The following ARHGAP6 variants were observed in gnomAD, a reference collection of about 807,000 sequenced individuals.
ARHGAP6 encodes Rho GTPase activating protein 6, also known as rho GTPase-activating protein 6.
Under a neutral mutation model 55.7 loss-of-function variants are expected in ARHGAP6, and 16 were observed. The ratio of observed to expected loss-of-function variants is 0.29; its 90% confidence interval spans 0.19 to 0.44. ARHGAP6 has a LOEUF of 0.44. ARHGAP6 is among the 20% of genes least tolerant of loss of function. ARHGAP6 has a pLI of 1.00. For missense variants in ARHGAP6, 698 were observed against 808.9 expected, an observed-to-expected ratio of 0.86 and a Z score of 1.66; for synonymous variants, 382 against 360.9, an observed-to-expected ratio of 1.06 and a Z score of -0.66.
At chrX:11,352,671 T>A (rs2048877929) in intron 1 of ARHGAP6, among the ~76,000 whole-genome samples, 1 of 111,640 alleles carries the variant, frequency 9.0e-6, no homozygotes, top group African/African-American at 3.3e-5. Flanking sequence ...CAGTACTGAG[T>A]CACTAATGAT....
intron 1 of ARHGAP6, among the ~76,000 whole-genome samples, chrX:11,497,559 TTCTC>T (rs34138329): frequency 4.6e-4 from 19 of 41,124 alleles, no homozygotes; most frequent in East Asian, 1.0e-3. Context: ...CCCTCCCTCC[TTCTC>T]TCTCTCTCTC....
intron 1 of ARHGAP6, among the ~76,000 whole-genome samples, chrX:11,482,168 T>C (rs182926367): frequency 4.7e-4 from 53 of 112,193 alleles, no homozygotes; most frequent in African/African-American, 1.7e-3. Context: ...GAGATGCTAC[T>C]AAATATTCTA....
intron 10 of ARHGAP6, among the ~76,000 whole-genome samples, chrX:11,154,787 G>A (rs764033168): frequency 2.0e-4 from 22 of 112,537 alleles, no homozygotes; most frequent in African/African-American, 7.1e-4. Flanking sequence ...CTTATACCTT[G>A]ATGAGGGTTA....
chrX:11,525,239 T>C (rs760885641), intron 1 of ARHGAP6, among the ~76,000 whole-genome samples: 5 of 111,895 alleles, frequency 4.5e-5, no homozygotes, highest in South Asian at 3.8e-4. Flanking sequence ...CAACCAAAAA[T>C]GTCTCCAGAC....
intron 1 of ARHGAP6, among the ~76,000 whole-genome samples, chrX:11,428,906 T>C (rs2049916539): frequency 8.9e-6 from 1 of 111,961 alleles, no homozygotes; most frequent in Non-Finnish European, 1.9e-5. Context: ...TTTATCCACC[T>C]GGAAAACTGG....
At chrX:11,265,953 G>A in intron 1 of ARHGAP6, 1 of 949,357 alleles carries the variant, frequency 1.1e-6, no homozygotes, top group Non-Finnish European at 1.3e-6. Flanking sequence ...AGAAGTTCCT[G>A]TCCTTTCAGA....
intron 10 of ARHGAP6, among the ~76,000 whole-genome samples, chrX:11,151,259 T>G (rs886804968): frequency 1.9e-5 from 2 of 106,600 alleles, no homozygotes; most frequent in African/African-American, 7.4e-5. Flanking sequence ...AGTCTTGCTT[T>G]CTTTTTTTTT....
rs1337209097 is a variant in ARHGAP6 at position 11,273,001 on chromosome X, G to C, written c.589-18294C>G. On this transcript the variant is annotated intron_variant, in intron 1 of 12. Transcript: ENST00000337414. ...TCAATTACCTGCTCTGTAAAGTGGA[G>C]ATAAAATAGTCCTGTAGGGAGGAGA... is the stretch of plus-strand genomic sequence containing the variant. Among the ~76,000 whole-genome samples, 3 of 111,712 alleles carry C rather than the reference G, an allele frequency of 2.7e-5. No homozygotes were observed. In the East Asian group the frequency reaches 8.5e-4, roughly 32 times the overall value.
chrX:11,640,600 T>C (rs17281101), intron 1 of ARHGAP6, among the ~76,000 whole-genome samples: 10,416 of 111,351 alleles, frequency 0.094, 490 homozygotes, highest in East Asian at 0.21. Context: ...CTTTATCCTA[T>C]AACTGGGACT....
rs955457835 is a variant in ARHGAP6, at chrX:11,153,473, C to T, written c.1907+3056G>A. ...CCGGGAGGTGGGGATTGCAGTGAGC[C>T]GAGATTGTGCCACTGTACTCCAGCC... On this transcript the variant is annotated intron_variant, in intron 10 of 12. Coordinates refer to ENST00000337414, the MANE Select transcript of ARHGAP6 (RefSeq NM_013427.3). Among the ~76,000 whole-genome samples, 6 of 92,625 alleles carry T rather than the reference C, an allele frequency of 6.5e-5. 1 individual carries two copies. Among genetic ancestry groups the T allele is most frequent in the Admixed American group, 4.1e-4 (3 of 7,371 alleles). 80.4% of individuals were successfully genotyped at this position (92,625 alleles called of 115,157 possible).
chrX:11,588,995 T>C (rs1319370616), intron 1 of ARHGAP6, among the ~76,000 whole-genome samples: 1 of 111,187 alleles, frequency 9.0e-6, no homozygotes, highest in Non-Finnish European at 1.9e-5. Context: ...AATTCTATTG[T>C]CAGTATCTGT....
At chrX:11,270,436 CAG>C (rs1304418549) in intron 1 of ARHGAP6, among the ~76,000 whole-genome samples, 5 of 111,177 alleles carry the variant, frequency 4.5e-5, no homozygotes, top group African/African-American at 1.6e-4. Flanking sequence ...CAGGATGAAA[CAG>C]AGAAAAGAAA....
At chrX:11,570,724 T>C (rs1239972113) in intron 1 of ARHGAP6, among the ~76,000 whole-genome samples, 1 of 111,811 alleles carries the variant, frequency 8.9e-6, no homozygotes, top group African/African-American at 3.3e-5. Flanking sequence ...CAGTATTACT[T>C]TGGTGCATAA....
chrX:11,493,124 C>T (rs1010178916), intron 1 of ARHGAP6, among the ~76,000 whole-genome samples: 5 of 111,932 alleles, frequency 4.5e-5, no homozygotes, highest in South Asian at 3.7e-4. Context: ...CACTGAATCA[C>T]GGAGGCCTTT....
chrX:11,287,325 T>C (rs897340824), intron 1 of ARHGAP6, among the ~76,000 whole-genome samples: 5 of 111,935 alleles, frequency 4.5e-5, no homozygotes, highest in African/African-American at 1.6e-4. Flanking sequence ...GGCCCCAAGG[T>C]ATGCCTCATT....
intron 1 of ARHGAP6, among the ~76,000 whole-genome samples, chrX:11,261,241 A>G (rs1184304434): frequency 1.8e-5 from 2 of 111,659 alleles, no homozygotes; most frequent in Non-Finnish European, 3.8e-5. Context: ...AAATGTGATA[A>G]TAGGTGACGC....
chrX:11,292,501 T>C (rs1236215410), intron 1 of ARHGAP6, among the ~76,000 whole-genome samples: 1 of 110,978 alleles, frequency 9.0e-6, no homozygotes, highest in African/African-American at 3.3e-5. Context: ...GCCAGACAGT[T>C]AAGAGACTCT....
At chrX:11,296,577 T>G (rs1186288885) in intron 1 of ARHGAP6, among the ~76,000 whole-genome samples, 3 of 111,144 alleles carry the variant, frequency 2.7e-5, no homozygotes, top group Non-Finnish European at 3.8e-5. Context: ...AAATAAAAGG[T>G]CTCCTCTTCT....
intron 1 of ARHGAP6, among the ~76,000 whole-genome samples, chrX:11,282,234 C>T (rs754628428): frequency 5.3e-5 from 6 of 112,274 alleles, no homozygotes; most frequent in Non-Finnish European, 9.4e-5. Flanking sequence ...ATGGGTGGTT[C>T]ATGAAATGCA....
Sources: gnomAD v4.1 joint callset for allele counts (sites outside exome capture counted in the v4.1 genomes callset) on GRCh38, gnomAD v4.1.1 for gene constraint, MANE v1.5 for transcripts, NCBI Gene and HGNC (gene_info 2026-07-23, HGNC 2026-07-21) for gene names.